The following SPG7 variants were observed in gnomAD, a reference collection of about 807,000 sequenced individuals.
SPG7 encodes the protein SPG7 matrix AAA peptidase subunit, paraplegin.
A neutral mutation model predicts 81.9 loss-of-function variants in SPG7; 103 were observed. That is an observed-to-expected ratio of 1.26 (90% confidence interval 1.07 to 1.48). SPG7 has a LOEUF of 1.48. SPG7 is among the 40% of genes most tolerant of loss of function. SPG7 has a pLI of 0.00. For synonymous variants in SPG7, 534 were observed against 444.2 expected (o/e 1.20, Z -2.54); for missense variants, 1,241 against 1,087.3 (o/e 1.14, Z -1.99).
intron 16 of SPG7, chr16:89,556,091 G>A: frequency 2.5e-6 from 1 of 398,862 alleles, no homozygotes. Flanking sequence ...TGCAGGCAAG[G>A]CTTCTCACTG....
intron 2 of SPG7, among the ~76,000 whole-genome samples, chr16:89,511,769 T>G (rs1376773835): frequency 6.6e-6 from 1 of 152,228 alleles, no homozygotes; most frequent in African/African-American, 2.4e-5. Flanking sequence ...GGTCTTGCCC[T>G]GTTGCCCAGG....
intron 1 of SPG7, among the ~76,000 whole-genome samples, chr16:89,510,234 C>CA (rs1223396896): frequency 6.6e-6 from 1 of 152,090 alleles, no homozygotes; most frequent in African/African-American, 2.4e-5. Flanking sequence ...CTCAGCCTCC[C>CA]AAAGTGTTGG....
chr16:89,547,376 G>T, intron 11 of SPG7: 1 of 178,936 alleles, frequency 5.6e-6, no homozygotes, highest in Non-Finnish European at 1.2e-5. Flanking sequence ...GCCCTTGGGA[G>T]GAGAGACGGG....
rs180810406 is a variant in SPG7, at chr16:89,531,456, C to T, written c.988-448C>T. ...TGGCACAATCTCGGCTCACTACAAC[C>T]TCCACCTCCCCAGTTCAAGTGATTC... On this transcript the variant is annotated intron_variant, in intron 7 of 16. Transcript: ENST00000645818. The T allele has an allele frequency of 9.4e-3, 2,004 of 213,030 alleles. 13 individuals carry two copies. The highest frequency in any genetic ancestry group is 0.024 in the Middle Eastern group (12 of 490). The allele number at this position is 213,030 out of a possible 1,614,324, so 13.2% of individuals were successfully genotyped here.
rs766767456 is a variant in SPG7, at chr16:89,524,262, G to C, written c.618+15G>C. On this transcript the variant is annotated intron_variant, in intron 4 of 16. Transcript: ENST00000645818. The stretch of plus-strand genomic sequence containing the variant: ...TTGGGCGGCCTGTGAGTGAGGGTGC[G>C]GGAGGCCTGTGAGTGAGGGTGTGGG... The C allele has an allele frequency of 3.7e-6, 6 of 1,601,822 alleles. No individual in the cohort carries two copies. Among genetic ancestry groups the C allele is most frequent in the Non-Finnish European group, 3.4e-6 (4 of 1,174,124 alleles).
intron 15 of SPG7, among the ~76,000 whole-genome samples, chr16:89,554,230 T>G (rs564326738): frequency 6.9e-6 from 1 of 144,042 alleles, no homozygotes; most frequent in East Asian, 2.3e-4. Context: ...GGCCCACATG[T>G]CCTTCAGACT....
intron 9 of SPG7, among the ~76,000 whole-genome samples, chr16:89,542,648 C>T (rs553816659): frequency 6.6e-5 from 10 of 152,240 alleles, no homozygotes; most frequent in South Asian, 4.2e-4. Flanking sequence ...CCAGACCTGG[C>T]GGCTACGGCT....
At chr16:89,513,319 G>C (rs1449883700) in intron 3 of SPG7, among the ~76,000 whole-genome samples, 1 of 151,848 alleles carries the variant, frequency 6.6e-6, no homozygotes, top group East Asian at 1.9e-4. Context: ...CGGATCACCT[G>C]CACCCTGGCC....
At chr16:89,516,358 A>G (rs1457688150) in intron 3 of SPG7, among the ~76,000 whole-genome samples, 2 of 151,778 alleles carry the variant, frequency 1.3e-5, no homozygotes, top group Non-Finnish European at 1.5e-5. Context: ...CCTGGCTAAC[A>G]TGGTGAAACC....
chr16:89,536,807 A>C, intron 9 of SPG7: 1 of 1,614,088 alleles, frequency 6.2e-7, no homozygotes, highest in African/African-American at 1.3e-5. Flanking sequence ...ACCATGAGGA[A>C]GCTCAGAGGA....
intron 15 of SPG7, 71 bp from the exon 16 acceptor site, chr16:89,554,415 T>G: frequency 9.3e-7 from 1 of 1,071,028 alleles, no homozygotes; most frequent in Non-Finnish European, 1.4e-6. Flanking sequence ...AGTCTGCCAT[T>G]TCTTTTCTGT....
chr16:89,557,219 T>C lies in SPG7; in HGVS notation c.*126T>C, dbSNP rs1006006474. On this transcript the variant is annotated 3_prime_UTR_variant, in exon 17 of 17. Coordinates refer to ENST00000645818, the MANE Select transcript of SPG7 (RefSeq NM_003119.4). Reference sequence around the variant, plus strand: ...CCCTCAGTAGTCCCTGCACAGTGACTTCTGAGATCTGTTGATTGATGACCC... The same window carrying C: ...CCCTCAGTAGTCCCTGCACAGTGACCTCTGAGATCTGTTGATTGATGACCC... 6.1e-6 allele frequency: 4 copies of C among 656,328 alleles called. No individual in the cohort carries two copies. The African/African-American group carries it at 7.3e-5, about 12-fold the overall frequency. 40.7% of individuals were successfully genotyped at this position (656,328 alleles called of 1,614,324 possible).
intron 14 of SPG7, chr16:89,553,444 C>T (rs897745835): frequency 5.5e-5 from 29 of 523,316 alleles, no homozygotes; most frequent in Admixed American, 2.5e-4. Flanking sequence ...CATTACTGCA[C>T]TGGGATATCC....
intron 2 of SPG7, among the ~76,000 whole-genome samples, chr16:89,511,849 G>A (rs2058027052): frequency 6.6e-6 from 1 of 152,206 alleles, no homozygotes; most frequent in Non-Finnish European, 1.5e-5. Context: ...GTCCTGAGTA[G>A]CTGGGAAGTC....
intron 12 of SPG7, chr16:89,549,162 C>T (rs957120573): frequency 2.0e-5 from 9 of 456,574 alleles, no homozygotes; most frequent in Non-Finnish European, 3.1e-5. Context: ...ATGTGGAAAT[C>T]GAAAAGCTTT....
At chr16:89,513,078 G>C in intron 3 of SPG7, 41 bp downstream of exon 3, 2 of 1,564,334 alleles carry the variant, frequency 1.3e-6, no homozygotes, top group African/African-American at 1.4e-5. Context: ...GCTGCCTCTG[G>C]ATGTCTTTAC....
chr16:89,534,402 G>C (rs1427927010), intron 9 of SPG7, among the ~76,000 whole-genome samples: 1 of 152,314 alleles, frequency 6.6e-6, no homozygotes, highest in South Asian at 2.1e-4. Context: ...TTTGCCCGTC[G>C]GTGGACATGT....
chr16:89,546,030 G>A, intron 10 of SPG7: 1 of 375,774 alleles, frequency 2.7e-6, no homozygotes, highest in South Asian at 1.9e-5. Flanking sequence ...GTGTTGCCAA[G>A]GCTGGTGTCA....
chr16:89,532,744 T>A, intron 9 of SPG7, 108 bp downstream of exon 9: 1 of 1,343,312 alleles, frequency 7.4e-7, no homozygotes, highest in Non-Finnish European at 1.0e-6. Flanking sequence ...CACTCCGGCC[T>A]GGGTGACAGA....
Sources: allele counts gnomAD v4.1 joint callset (sites outside exome capture counted in the v4.1 genomes callset), GRCh38; gene constraint gnomAD v4.1.1; transcripts MANE v1.5; gene names NCBI Gene and HGNC (gene_info 2026-07-23, HGNC 2026-07-21).